The following CIITA variants were observed in gnomAD, a reference collection of about 807,000 sequenced individuals.
CIITA encodes MHC class II transactivator.
In CIITA, 72 loss-of-function variants were observed where a neutral mutation model predicts 115.1. That is an observed-to-expected ratio of 0.63 (90% CI 0.52 to 0.76). The LOEUF is 0.76. CIITA is among the 30% of genes least tolerant of loss of function. CIITA has a pLI of 0.00. For missense variants in CIITA, 1,617 were observed against 1,463.8 expected (o/e 1.10, Z -1.71); for synonymous variants, 763 against 635.6 (o/e 1.20, Z -3.02).
chr16:10,880,309 T>C (rs1261018118), intron 1 of CIITA, among the ~76,000 whole-genome samples: 1 of 152,054 alleles, frequency 6.6e-6, no homozygotes, highest in Non-Finnish European at 1.5e-5. Flanking sequence ...AGGCCTGGGG[T>C]GAGGCTGAGA....
In CIITA at chr16:10,923,442, G is replaced by C; in HGVS notation, c.*22+117G>C. 1 of 769,202 alleles carries C rather than the reference G, an allele frequency of 1.3e-6. No homozygotes were observed. 47.6% of individuals were successfully genotyped at this position (769,202 alleles called of 1,614,324 possible). On this transcript the variant is annotated intron_variant, in intron 19 of 19. Transcript: ENST00000324288. This position sits in a 1 kb window ranked among gnomAD's most constrained non-coding sequence, Gnocchi z 5.2. ...AGGTGGGGCTAGGCCACCACCCTTG[G>C]ACGCATGCGTCATCAGAGACATCCC...
intron 13 of CIITA, 92 bp downstream of exon 13, chr16:10,910,351 CCAGAAT>C: frequency 9.2e-6 from 10 of 1,091,066 alleles, no homozygotes; most frequent in Non-Finnish European, 1.4e-5. Flanking sequence ...AGATAGATCT[CCAGAAT>C]CATTCTTACC....
In CIITA at chr16:10,914,560, A is replaced by G. The variant is rs575909691; in HGVS notation, c.2889-1010A>G. ...GTTCAAAGGACATAATTGCAGAATA[A>G]AAGACAGCTCTTTATATGGAATGCA... On this transcript the variant is annotated intron_variant, in intron 13 of 19. Transcript: ENST00000324288. Among the ~76,000 whole-genome samples the G allele has an allele frequency of 5.3e-5, 8 of 152,354 alleles. No individual in the cohort carries two copies. The East Asian group carries it at 1.3e-3, about 26-fold the overall frequency.
At chr16:10,899,989 G>A (rs1055077751) in intron 5 of CIITA, among the ~76,000 whole-genome samples, 2 of 152,140 alleles carry the variant, frequency 1.3e-5, no homozygotes, top group Admixed American at 6.5e-5. Context: ...GCTGAGGCAG[G>A]AGAATCGCTT....
In CIITA at chr16:10,942,356, G is replaced by A. The variant is rs1315796452; in HGVS notation, n.1482G>A. On this transcript the variant is annotated non_coding_transcript_exon_variant, in exon 2 of 2. Transcript: ENST00000573379. The surrounding 1 kb of genome is among the most constrained non-coding windows in gnomAD (Gnocchi z 5.0). Reference sequence around the variant, plus strand: ...CACCGCGGCTCAGTGTCTAGGGCCGGTCCCGGCAGCCTTCTCTCCCGCCCC... The same window carrying A: ...CACCGCGGCTCAGTGTCTAGGGCCGATCCCGGCAGCCTTCTCTCCCGCCCC... 2.0e-5 allele frequency: 4 copies of A among 196,332 alleles called. No homozygotes were observed. The highest frequency in any genetic ancestry group is 4.2e-5 in the Non-Finnish European group (4 of 95,750). The allele number at this position is 196,332 out of a possible 1,614,324, so 12.2% of individuals were successfully genotyped here.
In CIITA at chr16:10,941,404, C is replaced by A; in HGVS notation, n.530C>A. On this transcript the variant is annotated non_coding_transcript_exon_variant, in exon 2 of 2. Transcript: ENST00000573379. The surrounding 1 kb of genome is among the most constrained non-coding windows in gnomAD (Gnocchi z 6.4). Reference sequence around the variant, plus strand: ...GCTGGAGGAAGCTTTCCAGCCCAAACGAAGGGCTTAAGAGGAGTCTGGCCA... The same window carrying A: ...GCTGGAGGAAGCTTTCCAGCCCAAAAGAAGGGCTTAAGAGGAGTCTGGCCA... 2 of 522,520 alleles carry A rather than the reference C, an allele frequency of 3.8e-6. No homozygotes were observed. Among genetic ancestry groups the A allele is most frequent in the Non-Finnish European group, 5.3e-6 (2 of 374,752 alleles). The allele number at this position is 522,520 out of a possible 1,614,324, so 32.4% of individuals were successfully genotyped here.
intron 13 of CIITA, among the ~76,000 whole-genome samples, chr16:10,914,382 C>T (rs983159977): frequency 2.6e-5 from 4 of 152,088 alleles, no homozygotes; most frequent in African/African-American, 4.8e-5. Context: ...TTTCAGAGGC[C>T]GAGAACATTT....
chr16:10,873,121 C>T (rs1465830851), upstream of CIITA, among the ~76,000 whole-genome samples: 1 of 152,160 alleles, frequency 6.6e-6, no homozygotes, highest in Non-Finnish European at 1.5e-5. Flanking sequence ...TACAGGCATG[C>T]ACCACTATGC....
chr16:10,900,972 C>T (rs764636814), intron 5 of CIITA, among the ~76,000 whole-genome samples: 1 of 152,142 alleles, frequency 6.6e-6, no homozygotes, highest in Non-Finnish European at 1.5e-5. Context: ...ACACTCCCCT[C>T]GTGTACTTCA....
At chr16:10,914,885 C>T (rs1330670642) in intron 13 of CIITA, among the ~76,000 whole-genome samples, 5 of 152,180 alleles carry the variant, frequency 3.3e-5, no homozygotes, top group African/African-American at 1.2e-4. Flanking sequence ...ACCTGGTTTA[C>T]CACTGGCAGT....
chr16:10,904,650 C>T (rs1350958243), intron 9 of CIITA, 94 bp from the exon 10 acceptor site: 2 of 1,292,716 alleles, frequency 1.5e-6, no homozygotes, highest in East Asian at 2.3e-5. Flanking sequence ...GAAACTCAGC[C>T]CATGAAGGCT....
intron 1 of CIITA, among the ~76,000 whole-genome samples, chr16:10,867,555 AAGAG>A (rs1341574276): frequency 1.3e-5 from 2 of 152,164 alleles, no homozygotes; most frequent in African/African-American, 4.8e-5. Context: ...GGGGGAAAGA[AAGAG>A]AGAGAAAGAG....
At chr16:10,905,862 G>T (rs1185076435) in intron 10 of CIITA, among the ~76,000 whole-genome samples, 1 of 151,968 alleles carries the variant, frequency 6.6e-6, no homozygotes, top group Admixed American at 6.5e-5. Flanking sequence ...TAATGAATGA[G>T]TGGTGGGTGA....
In CIITA at chr16:10,923,699, G is replaced by A. The variant is rs565596599; in HGVS notation, c.*23-179G>A. On this transcript the variant is annotated intron_variant, in intron 19 of 19. Coordinates refer to ENST00000324288, the MANE Select transcript of CIITA (RefSeq NM_000246.4). This position sits in a 1 kb window ranked among gnomAD's most constrained non-coding sequence, Gnocchi z 5.2. Reference sequence around the variant, plus strand: ...GATGAACTTGCTTGACAAGTCTCCTGCTCCTCACTATGAAGATCACTGTCC... The same window carrying A: ...GATGAACTTGCTTGACAAGTCTCCTACTCCTCACTATGAAGATCACTGTCC... 1.6e-4 allele frequency among the ~76,000 whole-genome samples: 25 copies of A among 152,192 alleles called. No individual in the cohort carries two copies. The highest frequency in any genetic ancestry group is 5.3e-4 in the African/African-American group (22 of 41,510).
Position 10,920,926 on chromosome 16 carries a change from G to A in CIITA, c.3150-1241G>A, listed in dbSNP as rs1238036056. Among the ~76,000 whole-genome samples the A allele has an allele frequency of 1.3e-5, 2 of 151,994 alleles. No individual in the cohort carries two copies. The highest frequency in any genetic ancestry group is 4.8e-5 in the African/African-American group (2 of 41,364). The stretch of plus-strand genomic sequence containing the variant: ...GAGTTTCGCTCTTGTTGCCAAGGCT[G>A]GAGTGCAGTCTCAGTTCACTGCAAC... On this transcript the variant is annotated intron_variant, in intron 16 of 19. Transcript: ENST00000324288. This position sits in a 1 kb window ranked among gnomAD's most constrained non-coding sequence, Gnocchi z 4.5.
At chr16:10,866,387 A>T (rs1348801946) in intron 1 of CIITA, 12 of 566,642 alleles carry the variant, frequency 2.1e-5, no homozygotes, top group South Asian at 1.5e-4. Context: ...CTGCTGAAGG[A>T]GGACCTCCTC....
chr16:10,890,682 A>G (rs2037474436), intron 1 of CIITA, among the ~76,000 whole-genome samples: 1 of 152,226 alleles, frequency 6.6e-6, no homozygotes, highest in African/African-American at 2.4e-5. Context: ...CTCGGAAGAA[A>G]TGGAAGGGAA....
intron 13 of CIITA, among the ~76,000 whole-genome samples, chr16:10,914,180 G>A (rs561617896): frequency 2.6e-5 from 4 of 152,292 alleles, no homozygotes; most frequent in African/African-American, 7.2e-5. Context: ...TAGTAGGCAA[G>A]CGGTCAATAT....
At chr16:10,870,630 C>A (rs1300181242) in intron 1 of CIITA, among the ~76,000 whole-genome samples, 1 of 152,214 alleles carries the variant, frequency 6.6e-6, no homozygotes, top group South Asian at 2.1e-4. Context: ...CTGGACAGCT[C>A]TGGATCTGAA....
Sources: gnomAD v4.1 joint callset for allele counts (sites outside exome capture counted in the v4.1 genomes callset) on GRCh38, gnomAD v4.1.1 for gene constraint, Gnocchi (gnomAD v3.1) non-coding constraint, MANE v1.5 for transcripts, NCBI Gene and HGNC (gene_info 2026-07-23, HGNC 2026-07-21) for gene names.